The following STK33 variants were observed in gnomAD, a reference collection of about 807,000 sequenced individuals.
STK33 encodes the protein serine/threonine-protein kinase 33.
In STK33, 52 loss-of-function variants were observed where a neutral mutation model predicts 58.0. That is an observed-to-expected ratio of 0.90 (90% CI 0.72 to 1.13). The LOEUF is 1.13. Ranked by LOEUF, STK33 falls within the 50% of genes most tolerant of loss-of-function variation. STK33 has a pLI of 0.00. For synonymous variants in STK33, 215 were observed against 200.1 expected, an observed-to-expected ratio of 1.07 and a Z score of -0.63; for missense variants, 630 against 604.2, an observed-to-expected ratio of 1.04 and a Z score of -0.45.
At chr11:8,344,227 A>ACACACACACACACACC in the STK33 span, among the ~76,000 whole-genome samples, 1 of 151,718 alleles carries the variant, frequency 6.6e-6, no homozygotes, top group Non-Finnish European at 1.5e-5. Flanking sequence ...ACACACACAC[A>ACACACACACACACACC]CACCCCAGTT....
At chr11:8,513,102 A>G (rs1269047399) in intron 1 of STK33, among the ~76,000 whole-genome samples, 3 of 152,200 alleles carry the variant, frequency 2.0e-5, no homozygotes, top group Non-Finnish European at 4.4e-5. Flanking sequence ...ATAAGTTGCT[A>G]ATGTATACCA....
intron 1 of STK33, among the ~76,000 whole-genome samples, chr11:8,521,081 C>T (rs1953385147): frequency 6.6e-6 from 1 of 151,100 alleles, no homozygotes; most frequent in Non-Finnish European, 1.5e-5. Context: ...TCAATGCCAT[C>T]TCCATCAAGC....
chr11:8,474,592 A>T (rs937858863), intron 5 of STK33, 89 bp downstream of exon 5: 93 of 929,082 alleles, frequency 1.0e-4, no homozygotes, highest in Non-Finnish European at 1.3e-4. Flanking sequence ...ATTAGCTAAC[A>T]AGAACTCATG....
chr11:8,592,819 TG>T (rs922418201), intron 1 of STK33, among the ~76,000 whole-genome samples: 5 of 152,140 alleles, frequency 3.3e-5, no homozygotes, highest in African/African-American at 4.8e-5. Flanking sequence ...TAGAGGAGGT[TG>T]GGGGGTAGCA....
the STK33 span, among the ~76,000 whole-genome samples, chr11:8,336,135 G>A: frequency 1.3e-5 from 2 of 152,228 alleles, no homozygotes; most frequent in Non-Finnish European, 2.9e-5. Flanking sequence ...CTGGCATCCC[G>A]AGCTGGTCCT....
chr11:8,481,353 A>G (rs1949783031), intron 1 of STK33, among the ~76,000 whole-genome samples: 1 of 152,052 alleles, frequency 6.6e-6, no homozygotes, highest in African/African-American at 2.4e-5. Flanking sequence ...AACAAAAACT[A>G]CTCTGAACTG....
chr11:8,505,047 A>G (rs1484973853), intron 1 of STK33, among the ~76,000 whole-genome samples: 1 of 152,204 alleles, frequency 6.6e-6, no homozygotes, highest in African/African-American at 2.4e-5. Flanking sequence ...TGCTTATACC[A>G]TGGAATTGGC....
chr11:8,371,623 T>C, the STK33 span, among the ~76,000 whole-genome samples: 4 of 104,160 alleles, frequency 3.8e-5, no homozygotes, highest in African/African-American at 1.6e-4. Context: ...CTCTTTCTTT[T>C]CCTTCCTTCC....
intron 1 of STK33, among the ~76,000 whole-genome samples, chr11:8,540,994 CTATATA>C (rs373430294): frequency 5.7e-4 from 75 of 130,548 alleles, no homozygotes; most frequent in Middle Eastern, 4.3e-3. Context: ...CTCTCTCTCT[CTATATA>C]TATATATATA....
intron 15 of STK33, among the ~76,000 whole-genome samples, chr11:8,409,120 G>T (rs1939771579): frequency 6.6e-6 from 1 of 152,220 alleles, no homozygotes; most frequent in African/African-American, 2.4e-5. Context: ...AAGGATAGCA[G>T]TTGAGGCCAC....
intron 1 of STK33, among the ~76,000 whole-genome samples, chr11:8,584,083 T>C (rs557700782): frequency 1.1e-4 from 16 of 142,572 alleles, no homozygotes; most frequent in African/African-American, 3.6e-4. Context: ...AATCGCAGAA[T>C]GATTTTAGGC....
intron 8 of STK33, among the ~76,000 whole-genome samples, chr11:8,460,649 G>A (rs1947405500): frequency 6.6e-6 from 1 of 151,878 alleles, no homozygotes; most frequent in Admixed American, 6.6e-5. Context: ...TCCTAAAATT[G>A]ATGAAAACCA....
At chr11:8,526,282 C>T (rs1954013807) in intron 1 of STK33, among the ~76,000 whole-genome samples, 1 of 151,864 alleles carries the variant, frequency 6.6e-6, no homozygotes, top group African/African-American at 2.4e-5. Flanking sequence ...ATCCCAGCTA[C>T]TCGGGAGGCT....
At chr11:8,440,277 C>T (rs536389669) in intron 12 of STK33, among the ~76,000 whole-genome samples, 2 of 152,120 alleles carry the variant, frequency 1.3e-5, no homozygotes, top group East Asian at 3.9e-4. Flanking sequence ...GTGCCCACTC[C>T]CACCTATGCT....
chr11:8,491,111 T>C (rs1479788980), intron 1 of STK33, among the ~76,000 whole-genome samples: 1 of 152,176 alleles, frequency 6.6e-6, no homozygotes, highest in Non-Finnish European at 1.5e-5. Flanking sequence ...TTGACAGAAG[T>C]AGGCTTCAGA....
intron 14 of STK33, among the ~76,000 whole-genome samples, chr11:8,423,626 G>A (rs1357828878): frequency 1.3e-5 from 2 of 151,922 alleles, no homozygotes; most frequent in East Asian, 1.9e-4. Flanking sequence ...CTTGCTTCAC[G>A]GCCTAGGACA....
chr11:8,383,110 T>TG, the STK33 span, among the ~76,000 whole-genome samples: 125 of 152,238 alleles, frequency 8.2e-4, no homozygotes, highest in Non-Finnish European at 1.4e-3. Context: ...TTCCGAGGAC[T>TG]GGGGGTGACG....
intron 11 of STK33, among the ~76,000 whole-genome samples, chr11:8,452,593 G>A (rs1270733305): frequency 2.0e-5 from 3 of 151,826 alleles, no homozygotes; most frequent in East Asian, 1.9e-4. Context: ...AGACCATCCC[G>A]GGCAAACAGT....
At chr11:8,590,343 C>G (rs1231283346) in intron 1 of STK33, among the ~76,000 whole-genome samples, 3 of 152,076 alleles carry the variant, frequency 2.0e-5, no homozygotes, top group Non-Finnish European at 4.4e-5. Context: ...AGAACTGTGC[C>G]TGGCATATGA....
Sources: gnomAD v4.1 joint callset for allele counts (sites outside exome capture counted in the v4.1 genomes callset) on GRCh38, gnomAD v4.1.1 for gene constraint, MANE v1.5 for transcripts, NCBI Gene and HGNC (gene_info 2026-07-23, HGNC 2026-07-21) for gene names.